RBFOX1: variants seen among roughly 807,000 people sequenced by gnomAD.
RBFOX1 encodes the protein RNA binding fox-1 homolog 1, also known as RNA binding protein fox-1 homolog 1.
In RBFOX1, 8 loss-of-function variants were observed where a neutral mutation model predicts 57.7. The ratio of observed to expected loss-of-function variants is 0.14; its 90% CI spans 0.08 to 0.25. RBFOX1 has a LOEUF of 0.25. Ranked by LOEUF, RBFOX1 falls within the 10% of genes least tolerant of loss-of-function variation. The probability of loss-of-function intolerance (pLI) is 1.00; values close to 1 mark genes in which losing one functional copy is unlikely to be tolerated. For missense variants in RBFOX1, 611 were observed against 548.5 expected (o/e 1.11, Z -1.14); for synonymous variants, 326 against 222.4 (o/e 1.47, Z -4.15).
intron 3 of RBFOX1, among the ~76,000 whole-genome samples, chr16:5,755,758 G>A (rs138200209): frequency 6.8e-4 from 103 of 152,098 alleles, no homozygotes; most frequent in African/African-American, 2.4e-3. Context: ...ATCTCCATGC[G>A]CAGCTAATTT....
At chr16:6,829,057 C>T (rs879681837) in intron 3 of RBFOX1, among the ~76,000 whole-genome samples, 16 of 152,050 alleles carry the variant, frequency 1.1e-4, no homozygotes, top group Non-Finnish European at 1.5e-4. Context: ...GCCTGGACAC[C>T]TGCCGGGATC....
intron 1 of RBFOX1, among the ~76,000 whole-genome samples, chr16:6,113,306 A>C (rs1364451285): frequency 1.3e-5 from 2 of 152,224 alleles, no homozygotes; most frequent in Non-Finnish European, 1.5e-5. Context: ...CTCACCTCTC[A>C]TTGGCCAAAG....
rs192418219 is a variant in RBFOX1, at chr16:7,215,799, A to C, written c.27+163701A>C. ...GAGTGCAGTGGCGTGATCTCGGCTC[A>C]CTGCAAGCTCTGCCTCTCGGGTTCA... On this transcript the variant is annotated intron_variant, in intron 4 of 15. Coordinates refer to ENST00000550418, the MANE Select transcript of RBFOX1 (RefSeq NM_018723.4). 2.1e-3 allele frequency among the ~76,000 whole-genome samples: 305 copies of C among 144,692 alleles called. 3 individuals carry two copies. Among genetic ancestry groups the C allele is most frequent in the African/African-American group, 7.5e-3 (286 of 38,310 alleles). 94.9% of individuals were successfully genotyped at this position (144,692 alleles called of 152,430 possible).
chr16:6,077,641 C>T (rs986005340), intron 1 of RBFOX1, among the ~76,000 whole-genome samples: 1 of 151,962 alleles, frequency 6.6e-6, no homozygotes, highest in Non-Finnish European at 1.5e-5. Flanking sequence ...AGTGCCCATG[C>T]ACTTTTCCCC....
chr16:5,299,084 A>G (rs2063744096), intron 1 of RBFOX1, among the ~76,000 whole-genome samples: 2 of 149,654 alleles, frequency 1.3e-5, no homozygotes, highest in African/African-American at 2.5e-5. Flanking sequence ...CTTTCACACA[A>G]CCCTGTCGCC....
intron 1 of RBFOX1, among the ~76,000 whole-genome samples, chr16:6,157,100 G>A (rs886097321): frequency 1.6e-4 from 25 of 151,960 alleles, no homozygotes; most frequent in African/African-American, 4.8e-4. Context: ...CTCCCAAAGC[G>A]CTGGGATTAG....
At chr16:6,452,870 A>G (rs769686787) in intron 2 of RBFOX1, among the ~76,000 whole-genome samples, 4 of 152,184 alleles carry the variant, frequency 2.6e-5, no homozygotes, top group Non-Finnish European at 5.9e-5. Flanking sequence ...CTGAGTAGAT[A>G]TAAGATGGTG....
chr16:6,187,231 A>G (rs1443745807), intron 1 of RBFOX1, among the ~76,000 whole-genome samples: 1 of 152,130 alleles, frequency 6.6e-6, no homozygotes, highest in African/African-American at 2.4e-5. Flanking sequence ...GGTCATAGAA[A>G]GCATTCTGCC....
intron 1 of RBFOX1, among the ~76,000 whole-genome samples, chr16:5,355,318 G>C (rs1007028661): frequency 1.3e-5 from 2 of 152,142 alleles, no homozygotes; most frequent in Non-Finnish European, 2.9e-5. Context: ...CAGGACGCAG[G>C]GACTATGGGC....
At chr16:6,268,223 T>G (rs1332031758) in intron 1 of RBFOX1, among the ~76,000 whole-genome samples, 3 of 152,202 alleles carry the variant, frequency 2.0e-5, no homozygotes, top group Non-Finnish European at 2.9e-5. Context: ...AATGCTTTTG[T>G]TTTGAATCTG....
At chr16:6,455,429 C>A (rs1597483432) in intron 2 of RBFOX1, among the ~76,000 whole-genome samples, 1 of 152,174 alleles carries the variant, frequency 6.6e-6, no homozygotes, top group South Asian at 2.1e-4. Flanking sequence ...CTACACCCAA[C>A]CTTGACCTTC....
At chr16:7,051,975 T>A (rs10500344) in intron 3 of RBFOX1, 82 bp from the exon 4 acceptor site, 214,386 of 1,552,908 alleles carry the variant, frequency 0.14, 16,168 homozygotes, top group African/African-American at 0.28. Flanking sequence ...GCTGAGTAAT[T>A]AAAAGTAACT....
In RBFOX1 at chr16:5,245,199, G is replaced by T. The variant is rs574404626; in HGVS notation, c.219+5094G>T. Among the ~76,000 whole-genome samples, 16 of 152,290 alleles carry T rather than the reference G, an allele frequency of 1.1e-4. No homozygotes were observed. In the East Asian group the frequency reaches 3.1e-3, roughly 29 times the overall value. ...GTTGATGTGTGGAGTCCGGTGCCTGGTTTGGGGAATGTTCATGGGATATGT... is the reference window on the plus strand; with the variant it reads ...GTTGATGTGTGGAGTCCGGTGCCTGTTTTGGGGAATGTTCATGGGATATGT... On this transcript the variant is annotated intron_variant, in intron 1 of 2. Coordinates refer to the RBFOX1 transcript ENST00000585867.
intron 4 of RBFOX1, among the ~76,000 whole-genome samples, chr16:7,407,092 G>C (rs1034848678): frequency 2.0e-5 from 3 of 152,120 alleles, no homozygotes; most frequent in African/African-American, 7.2e-5. Flanking sequence ...AGGTTTTTGG[G>C]GGAACGGGTG....
At chr16:6,401,152 T>C (rs2093051811) in intron 2 of RBFOX1, among the ~76,000 whole-genome samples, 1 of 152,096 alleles carries the variant, frequency 6.6e-6, no homozygotes, top group African/African-American at 2.4e-5. Context: ...CTGGAACAAC[T>C]CTTTCTTTTT....
chr16:7,091,708 C>T (rs945815991), intron 4 of RBFOX1, among the ~76,000 whole-genome samples: 9 of 152,130 alleles, frequency 5.9e-5, no homozygotes, highest in Admixed American at 3.3e-4. Context: ...TCTTTCACCC[C>T]ATCCTCAGTA....
intron 3 of RBFOX1, among the ~76,000 whole-genome samples, chr16:5,632,166 C>G (rs1441826036): frequency 6.6e-6 from 1 of 152,146 alleles, no homozygotes; most frequent in Non-Finnish European, 1.5e-5. Context: ...TCATATGGTA[C>G]CTATCACATG....
intron 3 of RBFOX1, among the ~76,000 whole-genome samples, chr16:7,047,921 C>T (rs140928964): frequency 0.013 from 1,917 of 151,916 alleles, 12 homozygotes; most frequent in Middle Eastern, 0.027. Context: ...TCTTGTCACC[C>T]AGGCTGGAGT....
intron 3 of RBFOX1, among the ~76,000 whole-genome samples, chr16:6,762,264 T>C (rs1378962723): frequency 2.0e-5 from 3 of 152,216 alleles, no homozygotes; most frequent in African/African-American, 4.8e-5. Context: ...GTTATATATG[T>C]AGTGTCTAGA....
Sources: gnomAD v4.1 joint callset for allele counts (sites outside exome capture counted in the v4.1 genomes callset) on GRCh38, gnomAD v4.1.1 for gene constraint, MANE v1.5 for transcripts, NCBI Gene and HGNC (gene_info 2026-07-23, HGNC 2026-07-21) for gene names.